FCAR: variants seen among roughly 807,000 people sequenced by gnomAD.
FCAR encodes Fc alpha receptor.
FCAR carries 21 observed loss-of-function variants against 27.1 expected under a neutral mutation model. The observed-to-expected ratio is 0.77, with a 90% CI of 0.55 to 1.11. FCAR has a LOEUF of 1.11. Ranked by LOEUF, FCAR falls within the 50% of genes most tolerant of loss-of-function variation. The pLI is 0.00. For missense variants in FCAR, 404 were observed against 358.4 expected (o/e 1.13, Z -1.03); for synonymous variants, 134 against 135.8 (o/e 0.99, Z 0.09).
intron 2 of FCAR, among the ~76,000 whole-genome samples, chr19:54,877,976 C>T (rs587721800): frequency 2.8e-5 from 4 of 145,224 alleles, no homozygotes; most frequent in African/African-American, 5.1e-5. Flanking sequence ...AGTGCAGTGG[C>T]GCAATCTAGG....
intron 3 of FCAR, among the ~76,000 whole-genome samples, 181 bp downstream of exon 3, chr19:54,885,706 T>C (rs587693491): frequency 6.6e-6 from 1 of 152,362 alleles, no homozygotes; most frequent in East Asian, 1.9e-4. Flanking sequence ...ATGGCACATT[T>C]CTTACCATTA....
chr19:54,888,179 C>G lies in FCAR; in HGVS notation c.534C>G (p.Phe178Leu). 1 of 1,614,188 alleles carries G rather than the reference C, an allele frequency of 6.2e-7. No homozygotes were observed. Among genetic ancestry groups the G allele is most frequent in the Non-Finnish European group, 8.5e-7 (1 of 1,180,022 alleles). The change falls in exon 4 of 5, where the codon TTC becomes TTG. Residue 178 changes from phenylalanine to leucine, a missense_variant. Phe to Leu is a conservative substitution (Grantham distance 22, BLOSUM62 0). Transcript: ENST00000355524. ...AAAGTGGGGAACACCCGGCCAACTTCTCTTTGGGTCCTGTGGACCTCAATG... is the reference window on the plus strand; with the variant it reads ...AAAGTGGGGAACACCCGGCCAACTTGTCTTTGGGTCCTGTGGACCTCAATG... Reference protein sequence around the residue: ...QHQSGEHPANFSLGPVDLNVS... With the variant: ...QHQSGEHPANLSLGPVDLNVS...
chr19:54,886,608 C>G (rs911684591), intron 3 of FCAR, among the ~76,000 whole-genome samples: 5 of 151,540 alleles, frequency 3.3e-5, no homozygotes, highest in African/African-American at 1.2e-4. Flanking sequence ...GCCCGGCCCC[C>G]GAAAATGCTG....
intron 3 of FCAR, among the ~76,000 whole-genome samples, chr19:54,886,456 C>G (rs1326452125): frequency 6.6e-6 from 1 of 151,480 alleles, no homozygotes; most frequent in South Asian, 2.1e-4. Context: ...TACAGGCGCC[C>G]GCCACCACGC....
chr19:54,880,570 G>C (rs1027058198), intron 2 of FCAR, among the ~76,000 whole-genome samples: 2 of 152,212 alleles, frequency 1.3e-5, no homozygotes, highest in Non-Finnish European at 2.9e-5. Context: ...CAGGTAAAGA[G>C]CCCTTGCTGG....
At chr19:54,887,913 A>G (rs931873662) in intron 3 of FCAR, 94 bp from the exon 4 acceptor site, 15 of 1,032,360 alleles carry the variant, frequency 1.5e-5, no homozygotes, top group South Asian at 4.2e-5. Flanking sequence ...GCGAAACTCC[A>G]TCTCAAAAAA....
chr19:54,883,317 G>T (rs1035367664), intron 2 of FCAR, among the ~76,000 whole-genome samples: 2 of 152,040 alleles, frequency 1.3e-5, no homozygotes, highest in Admixed American at 6.5e-5. Flanking sequence ...GTGCTCTGTG[G>T]TTGTGAGGAG....
chr19:54,877,518 C>T (rs2066161920), intron 2 of FCAR, among the ~76,000 whole-genome samples: 1 of 152,064 alleles, frequency 6.6e-6, no homozygotes, highest in Non-Finnish European at 1.5e-5. Flanking sequence ...AGTCATCTGT[C>T]TTACTAATTT....
Position 54,888,314 on chromosome 19 carries a change from G to C in FCAR, c.649+20G>C. The C allele has an allele frequency of 6.2e-7, 1 of 1,612,534 alleles. No individual in the cohort carries two copies. The highest frequency in any genetic ancestry group is 8.5e-7 in the Non-Finnish European group (1 of 1,179,240). On this transcript the variant is annotated intron_variant, in intron 4 of 4. Coordinates refer to ENST00000355524, the MANE Select transcript of FCAR (RefSeq NM_002000.4). ...TCACAGGTAGGTACCGCCCAGTCCA[G>C]CCCTGTGTCTGGGTTGGCTGTCCAG...
intron 2 of FCAR, among the ~76,000 whole-genome samples, chr19:54,878,540 CT>C (rs1214195941): frequency 6.6e-6 from 1 of 151,380 alleles, no homozygotes; most frequent in Admixed American, 6.6e-5. Flanking sequence ...TCTTCATGCT[CT>C]TTTTTTAATT....
intron 4 of FCAR, chr19:54,888,605 T>A: frequency 1.1e-6 from 1 of 935,050 alleles, no homozygotes; most frequent in Non-Finnish European, 1.4e-6. Flanking sequence ...TGGAGTGCAG[T>A]GGCACGATCT....
intron 2 of FCAR, among the ~76,000 whole-genome samples, chr19:54,883,236 C>G (rs947237272): frequency 6.7e-6 from 1 of 149,808 alleles, no homozygotes; most frequent in East Asian, 2.0e-4. Flanking sequence ...AGGCTGGTCT[C>G]AAACTCCTGG....
At chr19:54,876,972 G>A (rs1300583958) in intron 2 of FCAR, among the ~76,000 whole-genome samples, 1 of 152,164 alleles carries the variant, frequency 6.6e-6, no homozygotes, top group Non-Finnish European at 1.5e-5. Context: ...TGGTGGATTA[G>A]CTTTCTGATG....
intron 3 of FCAR, 117 bp from the exon 4 acceptor site, chr19:54,887,890 T>C (rs1238799988): frequency 6.5e-6 from 5 of 766,586 alleles, no homozygotes; most frequent in East Asian, 5.9e-5. Flanking sequence ...GCACTCCAGC[T>C]TGGGCAATAA....
chr19:54,889,643 C>A lies in FCAR; in HGVS notation c.650-6C>A. On this transcript the variant is annotated splice_polypyrimidine_tract_variant and splice_region_variant and intron_variant, in intron 4 of 4. Coordinates refer to ENST00000355524, the MANE Select transcript of FCAR (RefSeq NM_002000.4). ...AACCATTCATCTCCTTGAATTGTGT[C>A]TCCAGACTCCATCCACCAAGATTAC... The A allele has an allele frequency of 6.2e-7, 1 of 1,611,484 alleles. No individual in the cohort carries two copies. The highest frequency in any genetic ancestry group is 8.5e-7 in the Non-Finnish European group (1 of 1,177,648).
chr19:54,886,706 C>A (rs1255148254), intron 3 of FCAR, among the ~76,000 whole-genome samples: 2 of 152,096 alleles, frequency 1.3e-5, no homozygotes, highest in Non-Finnish European at 2.9e-5. Flanking sequence ...TGTCATGTAT[C>A]TTTAGGTTTG....
intron 4 of FCAR, 98 bp from the exon 5 acceptor site, chr19:54,889,551 A>G: frequency 2.0e-6 from 2 of 976,910 alleles, no homozygotes; most frequent in Admixed American, 1.8e-5. Context: ...CCATTTTGGC[A>G]AGCGAAAAGG....
chr19:54,880,310 G>A (rs1380892361), intron 2 of FCAR, among the ~76,000 whole-genome samples: 3 of 152,088 alleles, frequency 2.0e-5, no homozygotes, highest in African/African-American at 7.2e-5. Flanking sequence ...CAGTATTCAT[G>A]CTCTGAGATT....
intron 2 of FCAR, among the ~76,000 whole-genome samples, chr19:54,882,475 G>T (rs2066481839): frequency 1.4e-5 from 2 of 147,610 alleles, no homozygotes; most frequent in Non-Finnish European, 3.0e-5. Context: ...TTACTCTGTC[G>T]CCCAGGCTGG....
Sources: gnomAD v4.1 joint callset for allele counts (sites outside exome capture counted in the v4.1 genomes callset) on GRCh38, gnomAD v4.1.1 for gene constraint, MANE v1.5 for transcripts, NCBI Gene and HGNC (gene_info 2026-07-23, HGNC 2026-07-21) for gene names.